Variants in CSMD1 observed in about 807,000 individuals in gnomAD.
CSMD1 encodes CUB and sushi domain-containing protein 1.
In CSMD1, 213 loss-of-function variants were observed where a neutral mutation model predicts 417.5. The observed-to-expected ratio is 0.51, with a 90% confidence interval of 0.46 to 0.57. CSMD1 has a LOEUF of 0.57. CSMD1 is among the 20% of genes least tolerant of loss of function. CSMD1 has a pLI of 0.00. For synonymous variants in CSMD1, 2,862 were observed against 1,736.8 expected (o/e 1.65, Z -16.11); for missense variants, 6,923 against 4,529.7 (o/e 1.53, Z -15.17).
intron 3 of CSMD1, among the ~76,000 whole-genome samples, chr8:4,056,038 G>T (rs904150032): frequency 6.8e-6 from 1 of 147,686 alleles, no homozygotes; most frequent in African/African-American, 2.5e-5. Flanking sequence ...TGGGAAAATT[G>T]AACTCAACCC....
intron 3 of CSMD1, among the ~76,000 whole-genome samples, chr8:4,269,311 G>A (rs779114): frequency 0.93 from 141,642 of 152,174 alleles, 66,774 homozygotes; most frequent in East Asian, 1. Context: ...TGATCCACCC[G>A]CACTGGCCTC....
intron 3 of CSMD1, among the ~76,000 whole-genome samples, chr8:4,256,483 G>C (rs571908640): frequency 1.3e-5 from 2 of 152,322 alleles, no homozygotes; most frequent in Admixed American, 6.5e-5. Flanking sequence ...TACTGGTAAA[G>C]GGAGGTTCTC....
chr8:2,963,222 G>A lies in CSMD1; in HGVS notation c.9454C>T (p.Pro3152Ser), dbSNP rs373359603. Residue 3152 changes from proline to serine, a missense_variant and splice_region_variant, in exon 60 of 70, where the codon CCT becomes TCT. Pro to Ser is a moderately conservative substitution (Grantham distance 74). Coordinates refer to ENST00000635120, the MANE Select transcript of CSMD1 (RefSeq NM_033225.6). ...GAACAAATTCTGCTGTAGAACTTAC[G>A]GAGACACTGGGGGATCTCTCCTTTC... ...VWKGEIPQCL[P>S]VFCGDPGIPA... The A allele has an allele frequency of 1.6e-5, 26 of 1,613,696 alleles. No homozygotes were observed. Among genetic ancestry groups the A allele is most frequent in the Admixed American group, 1.2e-4 (7 of 59,998 alleles).
intron 25 of CSMD1, among the ~76,000 whole-genome samples, chr8:3,290,234 G>A (rs1410351341): frequency 6.8e-6 from 1 of 147,274 alleles, no homozygotes; most frequent in Non-Finnish European, 1.5e-5. Flanking sequence ...CTGTAGCCTT[G>A]TAGTGTAGTA....
intron 7 of CSMD1, among the ~76,000 whole-genome samples, chr8:3,682,985 G>T (rs1382763876): frequency 6.6e-6 from 1 of 152,050 alleles, no homozygotes; most frequent in Non-Finnish European, 1.5e-5. Flanking sequence ...TCATACGTGG[G>T]AACTGAACAA....
chr8:4,350,621 G>A (rs537081128), intron 3 of CSMD1, among the ~76,000 whole-genome samples: 2 of 152,092 alleles, frequency 1.3e-5, no homozygotes, highest in Non-Finnish European at 2.9e-5. Flanking sequence ...ACTGACCTGG[G>A]CAATGGGCTA....
At chr8:3,497,792 T>A (rs4875234) in intron 10 of CSMD1, among the ~76,000 whole-genome samples, 6 of 151,930 alleles carry the variant, frequency 3.9e-5, no homozygotes, top group Non-Finnish European at 5.9e-5. Context: ...CATCCTCTAT[T>A]CCATTCTCAT....
At chr8:3,188,641 G>C (rs961709858) in intron 35 of CSMD1, among the ~76,000 whole-genome samples, 1 of 151,684 alleles carries the variant, frequency 6.6e-6, no homozygotes, top group African/African-American at 2.4e-5. Flanking sequence ...ACTTTTGATA[G>C]TTTTTATTTT....
At chr8:4,347,182 T>C (rs1237750965) in intron 3 of CSMD1, among the ~76,000 whole-genome samples, 1 of 152,156 alleles carries the variant, frequency 6.6e-6, no homozygotes, top group Admixed American at 6.6e-5. Flanking sequence ...GTTTTAGCTT[T>C]ACTCCTAACT....
At chr8:3,627,706 C>T (rs1315637042) in intron 7 of CSMD1, among the ~76,000 whole-genome samples, 1 of 152,140 alleles carries the variant, frequency 6.6e-6, no homozygotes, top group East Asian at 1.9e-4. Flanking sequence ...TTATGTATTA[C>T]ATAATTTAAG....
chr8:3,532,041 G>A (rs1472627039), intron 10 of CSMD1, among the ~76,000 whole-genome samples: 2 of 152,192 alleles, frequency 1.3e-5, no homozygotes, highest in South Asian at 2.1e-4. Context: ...TTCATGCCCT[G>A]TCTAGATCAG....
At chr8:4,255,444 AAAT>A (rs759024666) in intron 3 of CSMD1, among the ~76,000 whole-genome samples, 124 of 152,352 alleles carry the variant, frequency 8.1e-4, no homozygotes, top group Non-Finnish European at 1.4e-3. Context: ...ACTTACTTTG[AAAT>A]AATATAAAAA....
At chr8:3,621,495 T>C (rs76697656) in intron 7 of CSMD1, among the ~76,000 whole-genome samples, 1,980 of 152,254 alleles carry the variant, frequency 0.013, 16 homozygotes, top group Non-Finnish European at 0.021. Context: ...CAGCGGAGTA[T>C]GATGAAAATT....
At chr8:4,616,014 C>G (rs1260873626) in intron 2 of CSMD1, among the ~76,000 whole-genome samples, 1 of 152,100 alleles carries the variant, frequency 6.6e-6, no homozygotes, top group African/African-American at 2.4e-5. Flanking sequence ...AGATAATTCT[C>G]AAAGCAATTT....
chr8:3,341,784 C>T (rs1807673580), intron 23 of CSMD1, among the ~76,000 whole-genome samples: 1 of 152,180 alleles, frequency 6.6e-6, no homozygotes, highest in Non-Finnish European at 1.5e-5. Context: ...TTAATTTACC[C>T]ACAGGCTTTT....
intron 21 of CSMD1, among the ~76,000 whole-genome samples, chr8:3,354,697 A>C (rs929384886): frequency 1.6e-4 from 24 of 151,986 alleles, no homozygotes; most frequent in African/African-American, 5.8e-4. Context: ...GAAGCAACAG[A>C]AACTAACATT....
chr8:3,225,341 T>C (rs1276579564), intron 27 of CSMD1, among the ~76,000 whole-genome samples: 2 of 151,932 alleles, frequency 1.3e-5, no homozygotes, highest in Non-Finnish European at 2.9e-5. Flanking sequence ...AAGAGTAATA[T>C]GATATAATTT....
intron 1 of CSMD1, among the ~76,000 whole-genome samples, chr8:4,744,684 T>C (rs537735223): frequency 6.6e-6 from 1 of 152,338 alleles, no homozygotes; most frequent in African/African-American, 2.4e-5. Flanking sequence ...CCTTGTCAGA[T>C]ATTATTTTAC....
At chr8:3,840,730 C>G (rs925004342) in intron 5 of CSMD1, among the ~76,000 whole-genome samples, 2 of 145,238 alleles carry the variant, frequency 1.4e-5, no homozygotes, top group Admixed American at 6.9e-5. Context: ...CTATCTGGCT[C>G]TGTCGTGTAG....
Sources: allele counts gnomAD v4.1 joint callset (sites outside exome capture counted in the v4.1 genomes callset), GRCh38; gene constraint gnomAD v4.1.1; transcripts MANE v1.5; gene names NCBI Gene and HGNC (gene_info 2026-07-23, HGNC 2026-07-21).